Variants in NACC2 observed in about 807,000 individuals in gnomAD.
The protein encoded by NACC2 is NACC family member 2, also known as nucleus accumbens-associated protein 2.
Under a neutral mutation model 25.1 loss-of-function variants are expected in NACC2, and 8 were observed. The ratio of observed to expected loss-of-function variants is 0.32; its 90% CI spans 0.19 to 0.57. The LOEUF (loss-of-function observed/expected upper bound fraction) is 0.57. NACC2 is among the 20% of genes least tolerant of loss of function. The pLI, the probability that NACC2 is intolerant of heterozygous loss-of-function variation, is 0.89. For synonymous variants in NACC2, 435 were observed against 294.7 expected (o/e 1.48, Z -4.88); for missense variants, 644 against 650.2 (o/e 0.99, Z 0.10).
At chr9:136,021,227 G>A (rs1478864089) in intron 2 of NACC2, among the ~76,000 whole-genome samples, 1 of 152,190 alleles carries the variant, frequency 6.6e-6, no homozygotes, top group Admixed American at 6.6e-5. Context: ...CAAAAGATTT[G>A]AAGACTCTTC....
chr9:136,049,953 T>G lies in NACC2; in HGVS notation c.569A>C (p.Lys190Thr). The G allele has an allele frequency of 1.7e-6, 1 of 593,376 alleles. No homozygotes were observed. The highest frequency in any genetic ancestry group is 3.0e-6 in the Non-Finnish European group (1 of 335,738). The allele number at this position is 593,376 out of a possible 1,614,324, so 36.8% of individuals were successfully genotyped here. Residue 190 changes from lysine to threonine, a missense_variant, in exon 2 of 6, where the codon AAG becomes ACG. Physicochemically the swap from Lys to Thr is moderately conservative, Grantham distance 78. Coordinates refer to ENST00000277554, the MANE Select transcript of NACC2 (RefSeq NM_144653.5). The stretch of plus-strand genomic sequence containing the variant: ...CCGGGGCCCCGTCTCCAGCGGGCGC[T>G]TGGGGGCCAGGCCTGGGCCGGCCGG... ...LPPAGPGLAPKRPLETGPRDG... is the reference protein window; with the variant it reads ...LPPAGPGLAPTRPLETGPRDG...
chr9:136,093,964 G>A (rs1245216046), intron 1 of NACC2, among the ~76,000 whole-genome samples: 1 of 152,206 alleles, frequency 6.6e-6, no homozygotes. Flanking sequence ...CCTGCCAGAC[G>A]AAAAGAGGGG....
intron 1 of NACC2, among the ~76,000 whole-genome samples, chr9:136,052,169 T>A (rs1423885424): frequency 6.6e-6 from 1 of 152,152 alleles, no homozygotes; most frequent in East Asian, 1.9e-4. Context: ...CCCCGGGTGC[T>A]GGTACGAGAC....
chr9:136,068,499 CAA>C (rs58780352), intron 1 of NACC2, among the ~76,000 whole-genome samples: 1,447 of 100,034 alleles, frequency 0.014, 52 homozygotes, highest in African/African-American at 0.058. Context: ...AACTCCGTCT[CAA>C]AAAAAAAAAA....
chr9:136,018,660 G>A lies in NACC2; in HGVS notation c.887-2231C>T, dbSNP rs1224158662. Among the ~76,000 whole-genome samples the A allele has an allele frequency of 2.6e-5, 4 of 152,060 alleles. No individual in the cohort carries two copies. Among genetic ancestry groups the A allele is most frequent in the Non-Finnish European group, 5.9e-5 (4 of 68,004 alleles). On this transcript the variant is annotated intron_variant, in intron 2 of 5. Coordinates refer to ENST00000277554, the MANE Select transcript of NACC2 (RefSeq NM_144653.5). This position sits in a 1 kb window ranked among gnomAD's most constrained non-coding sequence, Gnocchi z 4.4. ...AGGCCAGAAAGGGGGCCTCAAAGGT[G>A]GGTGCACAGCCCCTGCCCGGCCACT...
In NACC2 at chr9:136,060,663, G is replaced by A. The variant is rs141640551; in HGVS notation, c.-59-10083C>T. On this transcript the variant is annotated intron_variant, in intron 1 of 5. Coordinates refer to ENST00000277554, the MANE Select transcript of NACC2 (RefSeq NM_144653.5). Reference sequence around the variant, plus strand: ...CCAGCACCACATGCTTAGCCCCGTCGGGTCTCAAAGGTGCCAGTGGGGGCT... The same window carrying A: ...CCAGCACCACATGCTTAGCCCCGTCAGGTCTCAAAGGTGCCAGTGGGGGCT... Among the ~76,000 whole-genome samples, 5 of 152,266 alleles carry A rather than the reference G, an allele frequency of 3.3e-5. No homozygotes were observed. The East Asian group carries it at 7.7e-4, about 23-fold the overall frequency.
intron 1 of NACC2, among the ~76,000 whole-genome samples, chr9:136,080,738 C>G (rs990833651): frequency 3.1e-4 from 47 of 152,292 alleles, no homozygotes; most frequent in African/African-American, 1.1e-3. Flanking sequence ...CCTCTCCAGA[C>G]ACGTGGAGAC....
intron 1 of NACC2, among the ~76,000 whole-genome samples, chr9:136,062,556 C>A (rs1188261176): frequency 4.6e-5 from 7 of 152,218 alleles, no homozygotes; most frequent in Non-Finnish European, 1.0e-4. Context: ...CCTGCTCCTT[C>A]ATCGATGAGT....
chr9:136,063,135 G>A (rs1201035135), intron 1 of NACC2, among the ~76,000 whole-genome samples: 1 of 152,150 alleles, frequency 6.6e-6, no homozygotes, highest in Non-Finnish European at 1.5e-5. Flanking sequence ...CAGGTCTGTC[G>A]ATCTGTCTCT....
At chr9:136,048,633 TCTC>T (rs1335615675) in intron 2 of NACC2, among the ~76,000 whole-genome samples, 1 of 152,190 alleles carries the variant, frequency 6.6e-6, no homozygotes, top group African/African-American at 2.4e-5. Context: ...GGCAGTGGCT[TCTC>T]CTGCAGGCGG....
At chr9:136,071,542 CAAAAAAAA>C (rs34087690) in intron 1 of NACC2, among the ~76,000 whole-genome samples, 1 of 83,284 alleles carries the variant, frequency 1.2e-5, no homozygotes, top group Non-Finnish European at 2.2e-5. Context: ...GACTCCATCT[CAAAAAAAA>C]AAAAAAAAAA....
At chr9:136,068,413 C>T (rs1338313566) in intron 1 of NACC2, among the ~76,000 whole-genome samples, 2 of 149,378 alleles carry the variant, frequency 1.3e-5, no homozygotes, top group Admixed American at 6.7e-5. Flanking sequence ...GCAGGAGGAT[C>T]GCTTGAACCC....
At chr9:136,068,082 T>G (rs1841108646) in intron 1 of NACC2, among the ~76,000 whole-genome samples, 1 of 152,224 alleles carries the variant, frequency 6.6e-6, no homozygotes, top group South Asian at 2.1e-4. Flanking sequence ...CTTGCGGGAC[T>G]GGGCATTGCT....
intron 2 of NACC2, among the ~76,000 whole-genome samples, chr9:136,026,227 G>C (rs1840385846): frequency 6.6e-6 from 1 of 150,828 alleles, no homozygotes; most frequent in Non-Finnish European, 1.5e-5. Context: ...TGTAATCCCA[G>C]CTACTCTGGA....
At chr9:136,032,554 CAAGA>C (rs904022049) in intron 2 of NACC2, among the ~76,000 whole-genome samples, 4 of 152,070 alleles carry the variant, frequency 2.6e-5, no homozygotes, top group African/African-American at 9.7e-5. Flanking sequence ...TTCAATGAGG[CAAGA>C]AAGAAGAAAT....
intron 2 of NACC2, among the ~76,000 whole-genome samples, chr9:136,042,727 CACAG>C (rs1194833315): frequency 6.7e-6 from 1 of 149,934 alleles, no homozygotes. Context: ...CACACACAGA[CACAG>C]ACACACACAG....
intron 1 of NACC2, among the ~76,000 whole-genome samples, chr9:136,053,542 C>A (rs1840879757): frequency 1.3e-5 from 2 of 152,206 alleles, no homozygotes; most frequent in Admixed American, 1.3e-4. Flanking sequence ...TAGTTTCTGC[C>A]TCATCCAGGA....
In NACC2 at chr9:136,011,196, G is replaced by A. The variant is rs1588554197; in HGVS notation, c.*320C>T. On this transcript the variant is annotated 3_prime_UTR_variant, in exon 6 of 6. Coordinates refer to ENST00000277554, the MANE Select transcript of NACC2 (RefSeq NM_144653.5). Reference sequence around the variant, plus strand: ...GGAAGGGCAGGGAGGAAGGGGCAGGGCTGGGCACCAGGGGCCTGGCGGCCT... The same window carrying A: ...GGAAGGGCAGGGAGGAAGGGGCAGGACTGGGCACCAGGGGCCTGGCGGCCT... The A allele has an allele frequency of 9.8e-6, 2 of 203,098 alleles. No individual in the cohort carries two copies. Among genetic ancestry groups the A allele is most frequent in the East Asian group, 1.1e-4 (1 of 9,056 alleles). 12.6% of individuals were successfully genotyped at this position (203,098 alleles called of 1,614,324 possible). A position where few individuals can be genotyped will look rare whatever the true frequency, so the allele number is the denominator to read the frequency against.
At chr9:136,040,349 A>C (rs1182380986) in intron 2 of NACC2, among the ~76,000 whole-genome samples, 1 of 152,094 alleles carries the variant, frequency 6.6e-6, no homozygotes, top group African/African-American at 2.4e-5. Context: ...CGTCTCAAAA[A>C]AAAAAAATCA....
Sources: allele counts gnomAD v4.1 joint callset (sites outside exome capture counted in the v4.1 genomes callset), GRCh38; gene constraint gnomAD v4.1.1; non-coding constraint Gnocchi (gnomAD v3.1); transcripts MANE v1.5; gene names NCBI Gene and HGNC (gene_info 2026-07-23, HGNC 2026-07-21).